The following PARD3B variants were observed in gnomAD, a reference collection of about 807,000 sequenced individuals.
The protein encoded by PARD3B is par-3 family cell polarity regulator beta, also known as partitioning defective 3 homolog B.
In PARD3B, 103 loss-of-function variants were observed where a neutral mutation model predicts 130.2. The ratio of observed to expected loss-of-function variants is 0.79; its 90% confidence interval spans 0.67 to 0.93. PARD3B has a LOEUF of 0.93. Among genes scored for constraint, PARD3B ranks in the 40% least tolerant of loss-of-function variants. PARD3B has a pLI of 0.00. For missense variants in PARD3B, 1,609 were observed against 1,499.2 expected (o/e 1.07, Z -1.21); for synonymous variants, 583 against 553.2 (o/e 1.05, Z -0.76).
intron 15 of PARD3B, among the ~76,000 whole-genome samples, chr2:205,240,477 C>T (rs1251496879): frequency 6.6e-6 from 1 of 152,086 alleles, no homozygotes; most frequent in African/African-American, 2.4e-5. Flanking sequence ...TATAAGACTA[C>T]CATTGCATCA....
chr2:204,686,605 C>T (rs1016494105), intron 2 of PARD3B, among the ~76,000 whole-genome samples: 1 of 152,102 alleles, frequency 6.6e-6, no homozygotes, highest in African/African-American at 2.4e-5. Context: ...TATTCCTGGC[C>T]CTTGCTAACT....
chr2:205,066,651 A>T (rs1700394505), intron 4 of PARD3B, among the ~76,000 whole-genome samples: 1 of 152,142 alleles, frequency 6.6e-6, no homozygotes, highest in Admixed American at 6.6e-5. Flanking sequence ...GTAGAAACTG[A>T]TAGGAATATA....
Position 204,678,480 on chromosome 2 carries a change from T to TTGAC in PARD3B, c.121-7697_121-7694dup, listed in dbSNP as rs1374501373. ...AAGGATGTTGAATGCAGAGGTTTTA[T>TTGAC]TGACTGATGGAGGTGGCTGTCAGTG... is the stretch of plus-strand genomic sequence containing the variant. On this transcript the variant is annotated intron_variant, in intron 1 of 22. Transcript: ENST00000406610. This position sits in a 1 kb window ranked among gnomAD's most constrained non-coding sequence, Gnocchi z 4.2. 6.6e-6 allele frequency among the ~76,000 whole-genome samples: 1 copy of TTGAC among 152,090 alleles called. No individual in the cohort carries two copies. Among genetic ancestry groups the TTGAC allele is most frequent in the Non-Finnish European group, 1.5e-5 (1 of 68,016 alleles).
intron 1 of PARD3B, among the ~76,000 whole-genome samples, chr2:204,640,947 A>G (rs2035055742): frequency 6.8e-6 from 1 of 147,906 alleles, no homozygotes; most frequent in African/African-American, 2.5e-5. Flanking sequence ...TACTATGTAT[A>G]ATATATTTAC....
At position 205,301,396 on chromosome 2, in the gene PARD3B, A is replaced by G; in HGVS notation, c.2393-68A>G. The G allele has an allele frequency of 6.5e-7, 1 of 1,544,940 alleles. No individual in the cohort carries two copies. Among genetic ancestry groups the G allele is most frequent in the Non-Finnish European group, 8.7e-7 (1 of 1,152,086 alleles). ...TTCATTCTTTTGCATTTTACATGTT[A>G]GCGTTTCTCTGTATACTAACTGAGT... On this transcript the variant is annotated intron_variant, in intron 17 of 22. Coordinates refer to ENST00000406610, the MANE Select transcript of PARD3B (RefSeq NM_001302769.2). This position sits in a 1 kb window ranked among gnomAD's most constrained non-coding sequence, Gnocchi z 5.2.
At chr2:205,444,072 T>C (rs1482405655) in intron 20 of PARD3B, among the ~76,000 whole-genome samples, 2 of 152,212 alleles carry the variant, frequency 1.3e-5, no homozygotes, top group African/African-American at 4.8e-5. Context: ...AACCTCTGCC[T>C]TCTGGGTTCA....
chr2:205,220,348 C>A (rs2125869725), intron 15 of PARD3B, among the ~76,000 whole-genome samples: 1 of 152,266 alleles, frequency 6.6e-6, no homozygotes, highest in East Asian at 1.9e-4. Flanking sequence ...AATGGAAGAT[C>A]TTAGGGTTCC....
intron 1 of PARD3B, among the ~76,000 whole-genome samples, chr2:204,575,389 T>C (rs1184631371): frequency 6.6e-6 from 1 of 152,214 alleles, no homozygotes; most frequent in African/African-American, 2.4e-5. Context: ...ATAAAGAACC[T>C]AAGAATTATT....
At position 205,354,579 on chromosome 2, in the gene PARD3B, A is replaced by G. The variant is rs1247262898; in HGVS notation, c.2631-46434A>G. Among the ~76,000 whole-genome samples, 3 of 152,162 alleles carry G rather than the reference A, an allele frequency of 2.0e-5. No individual in the cohort carries two copies. In the East Asian group the frequency reaches 5.8e-4, roughly 29 times the overall value. On this transcript the variant is annotated intron_variant, in intron 18 of 22. Coordinates refer to ENST00000406610, the MANE Select transcript of PARD3B (RefSeq NM_001302769.2). ...GTGACCCTCCCACCTCAGCCTCCCA[A>G]AATGTTGGGATTATAAACATGTGCC...
intron 2 of PARD3B, among the ~76,000 whole-genome samples, chr2:204,855,396 G>C (rs1323529994): frequency 3.3e-5 from 5 of 151,758 alleles, no homozygotes; most frequent in Non-Finnish European, 5.9e-5. Flanking sequence ...ACAAAAATTA[G>C]CTGGGTGTGG....
In PARD3B at chr2:205,000,449, A is replaced by G. The variant is rs915943114; in HGVS notation, c.394+35126A>G. On this transcript the variant is annotated intron_variant, in intron 3 of 22. Coordinates refer to ENST00000406610, the MANE Select transcript of PARD3B (RefSeq NM_001302769.2). ...TTTATTAGATTTCCCTAAAAATTCC[A>G]TGTTTGTTATATTATGTTCCATGTA... Among the ~76,000 whole-genome samples the G allele has an allele frequency of 3.9e-5, 6 of 152,182 alleles. No individual in the cohort carries two copies. The East Asian group carries it at 1.2e-3, about 29-fold the overall frequency.
chr2:205,125,676 AG>A lies in PARD3B; in HGVS notation c.1378del (p.Glu460ArgfsTer19), dbSNP rs1296928742. ...ELVAMLRSTK[Q>X]GETASLVIAR... ...GTGGCCATGCTCAGGAGCACCAAGCAGGGGGAGACAGCATCGCTGGTCATTG... is the reference window on the plus strand; with the variant it reads ...GTGGCCATGCTCAGGAGCACCAAGCAGGGGAGACAGCATCGCTGGTCATTG... On this transcript the variant is annotated frameshift_variant, in exon 10 of 23. Coordinates refer to ENST00000406610, the MANE Select transcript of PARD3B (RefSeq NM_001302769.2). LOFTEE classifies it high-confidence loss of function. This position sits in a 1 kb window ranked among gnomAD's most constrained non-coding sequence, Gnocchi z 4.0. 3 of 1,614,046 alleles carry A rather than the reference AG, an allele frequency of 1.9e-6. No homozygotes were observed. The highest frequency in any genetic ancestry group is 2.2e-5 in the South Asian group (2 of 91,076).
chr2:204,904,475 C>T (rs1199693025), intron 2 of PARD3B, among the ~76,000 whole-genome samples: 2 of 152,144 alleles, frequency 1.3e-5, no homozygotes, highest in African/African-American at 4.8e-5. Flanking sequence ...CTTTGGAAAA[C>T]TTGTATTATT....
chr2:204,817,388 T>A (rs966419088), intron 2 of PARD3B, among the ~76,000 whole-genome samples: 1 of 152,040 alleles, frequency 6.6e-6, no homozygotes, highest in East Asian at 1.9e-4. Context: ...TTTTAGACCT[T>A]AATTTAAATG....
intron 20 of PARD3B, among the ~76,000 whole-genome samples, chr2:205,441,262 A>G (rs1222023908): frequency 2.0e-5 from 3 of 152,222 alleles, no homozygotes; most frequent in Non-Finnish European, 4.4e-5. Flanking sequence ...TGACAAGTCC[A>G]CAGATCTTTA....
At chr2:204,851,877 G>A (rs913367291) in intron 2 of PARD3B, among the ~76,000 whole-genome samples, 5 of 152,058 alleles carry the variant, frequency 3.3e-5, no homozygotes, top group Non-Finnish European at 7.3e-5. Context: ...ATTTTTAGTA[G>A]AGACGGGGTT....
At chr2:205,322,028 C>T (rs1256713865) in intron 18 of PARD3B, among the ~76,000 whole-genome samples, 1 of 152,144 alleles carries the variant, frequency 6.6e-6, no homozygotes, top group African/African-American at 2.4e-5. Flanking sequence ...AAATTGAATA[C>T]CATCTCTTTC....
At chr2:205,275,677 A>G (rs1023799108) in intron 16 of PARD3B, among the ~76,000 whole-genome samples, 1 of 151,904 alleles carries the variant, frequency 6.6e-6, no homozygotes, top group African/African-American at 2.4e-5. Context: ...CTCTACTAAC[A>G]ATACAAAAAA....
At chr2:205,540,344 G>A (rs1027859352) in intron 21 of PARD3B, among the ~76,000 whole-genome samples, 10 of 151,910 alleles carry the variant, frequency 6.6e-5, no homozygotes, top group African/African-American at 1.7e-4. Flanking sequence ...CATATTTCAC[G>A]GGACCTGGGC....
Sources: allele counts gnomAD v4.1 joint callset (sites outside exome capture counted in the v4.1 genomes callset), GRCh38; gene constraint gnomAD v4.1.1; non-coding constraint Gnocchi (gnomAD v3.1); transcripts MANE v1.5; gene names NCBI Gene and HGNC (gene_info 2026-07-23, HGNC 2026-07-21).